The following P2RX7 variants were observed in gnomAD, a reference collection of about 807,000 sequenced individuals.
P2RX7 encodes P2X purinoceptor 7.
Under a neutral mutation model 71.6 loss-of-function variants are expected in P2RX7, and 62 were observed. The observed-to-expected ratio is 0.87, with a 90% CI of 0.71 to 1.07. The LOEUF (loss-of-function observed/expected upper bound fraction) is 1.07. Among genes scored for constraint, P2RX7 ranks in the 50% least tolerant of loss-of-function variants. The pLI is 0.00. For synonymous variants in P2RX7, 299 were observed against 283.3 expected (o/e 1.06, Z -0.56); for missense variants, 686 against 748.5 (o/e 0.92, Z 0.97).
At chr12:121,155,331 G>A (rs1878355000) in intron 2 of P2RX7, 1 of 1,301,230 alleles carries the variant, frequency 7.7e-7, no homozygotes, top group Non-Finnish European at 1.0e-6. Flanking sequence ...TCTAGATTGT[G>A]TAGCATTTCA....
Position 121,149,140 on chromosome 12 carries a change from CAGAG to C in P2RX7, c.126-5644_126-5641del. 1 of 507,836 alleles carries C rather than the reference CAGAG, an allele frequency of 2.0e-6. No individual in the cohort carries two copies. The highest frequency in any genetic ancestry group is 3.9e-6 in the Non-Finnish European group (1 of 255,408). 31.5% of individuals were successfully genotyped at this position (507,836 alleles called of 1,614,324 possible). On this transcript the variant is annotated intron_variant, in intron 1 of 12. Transcript: ENST00000328963. The surrounding 1 kb of genome is among the most constrained non-coding windows in gnomAD (Gnocchi z 4.7). ...TAAGTCTGTGACAGTCACTCATATT[CAGAG>C]CATGTGGATTGAGACTCTGAAGAAC...
In P2RX7 at chr12:121,134,885, T is replaced by C. The variant is rs986868257; in HGVS notation, c.125+1790T>C. 5.3e-4 allele frequency among the ~76,000 whole-genome samples: 81 copies of C among 152,082 alleles called. 1 individual carries two copies. The highest frequency in any genetic ancestry group is 5.2e-3 in the Admixed American group (80 of 15,258). On this transcript the variant is annotated intron_variant, in intron 1 of 12. Transcript: ENST00000328963. ...GTTAGGGTAACTTATTTCATAGTAC[T>C]GGCTATGTCTTCTGGGCCAAGTCAT...
chr12:121,155,067 A>G, intron 2 of P2RX7, 114 bp downstream of exon 2: 1 of 1,516,284 alleles, frequency 6.6e-7, no homozygotes, highest in Admixed American at 2.0e-5. Flanking sequence ...GTCCTATTTT[A>G]AAAGCTCTGT....
In P2RX7 at chr12:121,149,549, A is replaced by G. The variant is rs1214111673; in HGVS notation, c.126-5236A>G. 6.6e-6 allele frequency among the ~76,000 whole-genome samples: 1 copy of G among 152,184 alleles called. No homozygotes were observed. Among genetic ancestry groups the G allele is most frequent in the Admixed American group, 6.5e-5 (1 of 15,270 alleles). On this transcript the variant is annotated intron_variant, in intron 1 of 12. Transcript: ENST00000328963. This position sits in a 1 kb window ranked among gnomAD's most constrained non-coding sequence, Gnocchi z 4.7. Reference sequence around the variant, plus strand: ...TCAGATCCCATGAGACTTACTCACTATCACGAGAACAGTATGGGGGAAACT... The same window carrying G: ...TCAGATCCCATGAGACTTACTCACTGTCACGAGAACAGTATGGGGGAAACT...
chr12:121,162,556 A>G, intron 5 of P2RX7, 36 bp downstream of exon 5: 1 of 1,605,392 alleles, frequency 6.2e-7, no homozygotes, highest in Non-Finnish European at 8.5e-7. Context: ...AGTGGCCCTC[A>G]GCGGCGACCA....
At chr12:121,172,382 C>A (rs1260741594) in intron 8 of P2RX7, among the ~76,000 whole-genome samples, 1 of 152,192 alleles carries the variant, frequency 6.6e-6, no homozygotes, top group Admixed American at 6.5e-5. Flanking sequence ...ATAATCCCAA[C>A]AATTTGGGAG....
intron 8 of P2RX7, among the ~76,000 whole-genome samples, chr12:121,171,004 G>A (rs1215771129): frequency 2.0e-5 from 3 of 152,092 alleles, no homozygotes; most frequent in South Asian, 2.1e-4. Flanking sequence ...AGGTGATTCC[G>A]CTTATGCACG....
chr12:121,178,555 G>A (rs1883546050), intron 11 of P2RX7, among the ~76,000 whole-genome samples: 1 of 152,164 alleles, frequency 6.6e-6, no homozygotes, highest in Admixed American at 6.5e-5. Context: ...ACTTTGGGAG[G>A]CCGAGGCAGG....
intron 4 of P2RX7, among the ~76,000 whole-genome samples, chr12:121,161,319 A>G (rs1879642083): frequency 6.6e-6 from 1 of 152,208 alleles, no homozygotes; most frequent in Non-Finnish European, 1.5e-5. Context: ...TTTTACCCCC[A>G]GGGAACCTGG....
At position 121,185,063 on chromosome 12, in the gene P2RX7, A is replaced by T; in HGVS notation, c.*261A>T. On this transcript the variant is annotated 3_prime_UTR_variant, in exon 13 of 13. Transcript: ENST00000328963. ...TTGTGCCACTGCTCTCCAGCCTGGG[A>T]GGCACAGCAAACTGTCCCCCAAAAA... is the stretch of plus-strand genomic sequence containing the variant. 2 of 328,198 alleles carry T rather than the reference A, an allele frequency of 6.1e-6. No homozygotes were observed. Among genetic ancestry groups the T allele is most frequent in the Non-Finnish European group, 1.1e-5 (2 of 179,094 alleles). 20.3% of individuals were successfully genotyped at this position (328,198 alleles called of 1,614,324 possible). A position where few individuals can be genotyped will look rare whatever the true frequency, so the allele number is the denominator to read the frequency against.
intron 12 of P2RX7, among the ~76,000 whole-genome samples, chr12:121,182,918 C>T (rs1483887244): frequency 6.6e-6 from 1 of 152,112 alleles, no homozygotes; most frequent in Non-Finnish European, 1.5e-5. Flanking sequence ...TGGCTCATGC[C>T]TGTAATCCCA....
intron 1 of P2RX7, among the ~76,000 whole-genome samples, chr12:121,135,648 A>G (rs1873376225): frequency 1.3e-5 from 2 of 151,988 alleles, no homozygotes; most frequent in African/African-American, 2.4e-5. Context: ...TAATAATGCT[A>G]TTATTAGGAT....
chr12:121,182,255 G>A (rs1289358718), intron 12 of P2RX7, among the ~76,000 whole-genome samples: 2 of 152,022 alleles, frequency 1.3e-5, no homozygotes, highest in African/African-American at 4.8e-5. Context: ...TAATATTTAG[G>A]ATTTTTACAT....
At chr12:121,169,141 A>AT (rs1881686009) in intron 8 of P2RX7, among the ~76,000 whole-genome samples, 2 of 151,812 alleles carry the variant, frequency 1.3e-5, no homozygotes, top group Non-Finnish European at 2.9e-5. Context: ...AATTTTTAAA[A>AT]TTTTTTTGTA....
intron 1 of P2RX7, among the ~76,000 whole-genome samples, chr12:121,139,459 T>C (rs1348089331): frequency 6.6e-6 from 1 of 152,220 alleles, no homozygotes; most frequent in Non-Finnish European, 1.5e-5. Flanking sequence ...CACTGCCCAG[T>C]CAGCCTCCAC....
chr12:121,153,603 G>T (rs904619433), intron 1 of P2RX7, among the ~76,000 whole-genome samples: 1 of 152,052 alleles, frequency 6.6e-6, no homozygotes, highest in African/African-American at 2.4e-5. Context: ...ACTTGAACCC[G>T]GCAGGCAGAA....
chr12:121,162,583 G>A (rs1879971360), intron 5 of P2RX7, 63 bp downstream of exon 5: 1 of 1,577,850 alleles, frequency 6.3e-7, no homozygotes, highest in Non-Finnish European at 8.6e-7. Flanking sequence ...GCCTTGCCGA[G>A]GCTGCTTGGG....
chr12:121,141,464 G>A lies in P2RX7; in HGVS notation c.125+8369G>A, dbSNP rs182128893. 8.5e-5 allele frequency among the ~76,000 whole-genome samples: 13 copies of A among 152,286 alleles called. No homozygotes were observed. In the East Asian group the frequency reaches 1.9e-3, roughly 23 times the overall value. On this transcript the variant is annotated intron_variant, in intron 1 of 12. Coordinates refer to ENST00000328963, the MANE Select transcript of P2RX7 (RefSeq NM_002562.6). ...CTTTTTCACAGGCCCACAGCTGGCC[G>A]GTACAGTGGCAGAGAAGGCGAGGCT...
At chr12:121,156,270 T>C in intron 3 of P2RX7, 123 bp downstream of exon 3, 1 of 750,594 alleles carries the variant, frequency 1.3e-6, no homozygotes, top group Non-Finnish European at 2.3e-6. Flanking sequence ...ACTGAGCACC[T>C]GCCTCTTTTG....
Sources: allele counts gnomAD v4.1 joint callset (sites outside exome capture counted in the v4.1 genomes callset), GRCh38; gene constraint gnomAD v4.1.1; non-coding constraint Gnocchi (gnomAD v3.1); transcripts MANE v1.5; gene names NCBI Gene and HGNC (gene_info 2026-07-23, HGNC 2026-07-21).